GUCY1A2: variants seen among roughly 807,000 people sequenced by gnomAD.
GUCY1A2 encodes the protein guanylate cyclase 1 soluble subunit alpha 2, also known as guanylate cyclase soluble subunit alpha-2.
In GUCY1A2, 27 loss-of-function variants were observed where a neutral mutation model predicts 63.5. The ratio of observed to expected loss-of-function variants is 0.43; its 90% CI spans 0.31 to 0.59. The LOEUF (loss-of-function observed/expected upper bound fraction) is 0.59. Ranked by LOEUF, GUCY1A2 falls within the 20% of genes least tolerant of loss-of-function variation. The pLI, the probability that GUCY1A2 is intolerant of heterozygous loss-of-function variation, is 0.11. For synonymous variants in GUCY1A2, 364 were observed against 343.5 expected (o/e 1.06, Z -0.66); for missense variants, 768 against 913.3 (o/e 0.84, Z 2.05).
At chr11:106,966,297 G>C (rs1861125864) in intron 3 of GUCY1A2, among the ~76,000 whole-genome samples, 1 of 152,000 alleles carries the variant, frequency 6.6e-6, no homozygotes, top group South Asian at 2.1e-4. Flanking sequence ...AGTAGAGATG[G>C]GGTTATCACC....
At position 106,953,125 on chromosome 11, in the gene GUCY1A2, T is replaced by G. The variant is rs113584752; in HGVS notation, c.488-12947A>C. Among the ~76,000 whole-genome samples, 957 of 152,334 alleles carry G rather than the reference T, an allele frequency of 6.3e-3. 11 individuals are homozygous for G. Among genetic ancestry groups the G allele is most frequent in the African/African-American group, 0.022 (914 of 41,580 alleles). On this transcript the variant is annotated intron_variant, in intron 3 of 7. Transcript: ENST00000526355. ...CTTGTACCAGTTTTTAAAGGAATGC[T>G]TCTAGCTTTTGCCCATTCCATATGA...
intron 3 of GUCY1A2, among the ~76,000 whole-genome samples, chr11:106,951,787 T>C (rs954547355): frequency 6.6e-6 from 1 of 152,218 alleles, no homozygotes; most frequent in Non-Finnish European, 1.5e-5. Context: ...TTGCTTTTGG[T>C]GTTTTTGTCA....
intron 4 of GUCY1A2, among the ~76,000 whole-genome samples, chr11:106,936,385 T>A (rs1005948654): frequency 9.9e-5 from 15 of 152,194 alleles, no homozygotes; most frequent in African/African-American, 3.6e-4. Flanking sequence ...ATTCAGTCTT[T>A]ATTCTCTACA....
chr11:106,935,704 G>C (rs909641916), intron 4 of GUCY1A2, among the ~76,000 whole-genome samples: 1 of 151,836 alleles, frequency 6.6e-6, no homozygotes, highest in Non-Finnish European at 1.5e-5. Context: ...AAAATTAGCT[G>C]GGTGTGGTAG....
At chr11:106,759,477 C>T (rs1864028387) in intron 6 of GUCY1A2, among the ~76,000 whole-genome samples, 1 of 152,172 alleles carries the variant, frequency 6.6e-6, no homozygotes, top group Non-Finnish European at 1.5e-5. Context: ...GCCCTACCCC[C>T]TTAAATTCAT....
chr11:106,875,269 C>A (rs778415914), intron 4 of GUCY1A2, among the ~76,000 whole-genome samples: 67 of 152,060 alleles, frequency 4.4e-4, no homozygotes, highest in Non-Finnish European at 9.3e-4. Flanking sequence ...AAGGGGAAAA[C>A]TCAACACCAT....
chr11:106,965,599 T>C (rs1861117464), intron 3 of GUCY1A2, among the ~76,000 whole-genome samples: 1 of 152,250 alleles, frequency 6.6e-6, no homozygotes, highest in Admixed American at 6.5e-5. Context: ...TTCTGTCCAC[T>C]GAGTAGAAAA....
At chr11:106,999,200 A>T (rs912724299) in intron 1 of GUCY1A2, among the ~76,000 whole-genome samples, 4 of 152,256 alleles carry the variant, frequency 2.6e-5, no homozygotes, top group African/African-American at 9.6e-5. Flanking sequence ...AGTACAATTT[A>T]TCTGGGAGAG....
In GUCY1A2 at chr11:106,986,058, ATT is replaced by A. The variant is rs751916754; in HGVS notation, c.365+10_365+11del. 2.2e-6 allele frequency: 3 copies of A among 1,339,072 alleles called. No individual in the cohort carries two copies. Among genetic ancestry groups the A allele is most frequent in the South Asian group, 2.3e-5 (2 of 85,288 alleles). 82.9% of individuals were successfully genotyped at this position (1,339,072 alleles called of 1,614,324 possible). ...TTGTCCCCAATAATAACCGAAATCAATTTTTACTTACCCAATAACTTGATGTT... is the reference window on the plus strand; with the variant it reads ...TTGTCCCCAATAATAACCGAAATCAATTTACTTACCCAATAACTTGATGTT... On this transcript the variant is annotated intron_variant, in intron 2 of 7. Transcript: ENST00000526355.
chr11:106,924,529 T>A (rs578173045), intron 4 of GUCY1A2, among the ~76,000 whole-genome samples: 1 of 152,306 alleles, frequency 6.6e-6, no homozygotes, highest in East Asian at 1.9e-4. Flanking sequence ...GGGTCCAATA[T>A]TGTCCTTGGC....
chr11:106,898,608 C>T (rs1591318858), intron 4 of GUCY1A2, among the ~76,000 whole-genome samples: 2 of 152,102 alleles, frequency 1.3e-5, no homozygotes, highest in Admixed American at 1.3e-4. Flanking sequence ...GAAAAGGTTA[C>T]ATACTGTGTG....
At chr11:106,725,007 T>A (rs1225542572) in intron 6 of GUCY1A2, among the ~76,000 whole-genome samples, 2 of 152,180 alleles carry the variant, frequency 1.3e-5, no homozygotes, top group Non-Finnish European at 2.9e-5. Context: ...TTTTTAAGAA[T>A]ATTAATTTTC....
At chr11:106,776,815 A>C (rs1425465757) in intron 5 of GUCY1A2, among the ~76,000 whole-genome samples, 1 of 152,214 alleles carries the variant, frequency 6.6e-6, no homozygotes, top group African/African-American at 2.4e-5. Context: ...GATCATTGAA[A>C]TTAGGAACAA....
intron 4 of GUCY1A2, among the ~76,000 whole-genome samples, chr11:106,842,594 A>C (rs1473654168): frequency 6.6e-6 from 1 of 152,042 alleles, no homozygotes; most frequent in East Asian, 1.9e-4. Context: ...AAAGGACAAA[A>C]TGAACATCAT....
chr11:106,962,494 G>A (rs1041994855), intron 3 of GUCY1A2, among the ~76,000 whole-genome samples: 1 of 150,984 alleles, frequency 6.6e-6, no homozygotes, highest in Non-Finnish European at 1.5e-5. Context: ...GGCAGAGGTT[G>A]CAGTGAGCTG....
intron 4 of GUCY1A2, among the ~76,000 whole-genome samples, chr11:106,888,718 G>C (rs1452475173): frequency 6.6e-6 from 1 of 152,066 alleles, no homozygotes; most frequent in Non-Finnish European, 1.5e-5. Context: ...TGGTTTCCTT[G>C]TCCCATAAGA....
chr11:106,888,986 G>A (rs894878602), intron 4 of GUCY1A2, among the ~76,000 whole-genome samples: 8 of 151,654 alleles, frequency 5.3e-5, no homozygotes, highest in Non-Finnish European at 8.8e-5. Context: ...AGGTTAATCC[G>A]GTATTCTCTA....
At chr11:106,716,118 TG>T (rs1468865096) in intron 6 of GUCY1A2, among the ~76,000 whole-genome samples, 2 of 152,172 alleles carry the variant, frequency 1.3e-5, no homozygotes, top group Non-Finnish European at 2.9e-5. Flanking sequence ...TCCTAAAGCC[TG>T]AAGAGCTTTG....
chr11:106,793,211 A>G (rs1022987928), intron 5 of GUCY1A2, among the ~76,000 whole-genome samples: 2 of 152,158 alleles, frequency 1.3e-5, no homozygotes, highest in African/African-American at 4.8e-5. Flanking sequence ...CCAGAACTAA[A>G]TCTACACAAT....
Sources: allele counts gnomAD v4.1 joint callset (sites outside exome capture counted in the v4.1 genomes callset), GRCh38; gene constraint gnomAD v4.1.1; transcripts MANE v1.5; gene names NCBI Gene and HGNC (gene_info 2026-07-23, HGNC 2026-07-21).